Variants in IGDCC4 observed in about 807,000 individuals in gnomAD.
IGDCC4 encodes likely ortholog of mouse neighbor of Punc E11.
Under a neutral mutation model 116.6 loss-of-function variants are expected in IGDCC4, and 72 were observed. The ratio of observed to expected loss-of-function variants is 0.62; its 90% confidence interval spans 0.51 to 0.75. IGDCC4 has a LOEUF of 0.75. IGDCC4 is among the 30% of genes least tolerant of loss of function. The pLI, the probability that IGDCC4 is intolerant of heterozygous loss-of-function variation, is 0.00. For synonymous variants in IGDCC4, 709 were observed against 719.9 expected, an observed-to-expected ratio of 0.98 and a Z score of 0.24; for missense variants, 1,501 against 1,662.4, an observed-to-expected ratio of 0.90 and a Z score of 1.69.
chr15:65,394,587 G>A (rs567456257), intron 8 of IGDCC4, 39 bp from the exon 9 acceptor site: 6 of 1,543,878 alleles, frequency 3.9e-6, no homozygotes, highest in South Asian at 3.8e-5. Flanking sequence ...CTGCTCCACC[G>A]ACGTGGAAGG....
chr15:65,385,637 C>T (rs918203997), intron 18 of IGDCC4, 194 bp downstream of exon 18: 10 of 664,682 alleles, frequency 1.5e-5, no homozygotes, highest in South Asian at 1.4e-4. Flanking sequence ...CCAAGCTGAC[C>T]TATTCCGCCG....
At position 65,411,130 on chromosome 15, in the gene IGDCC4, C is replaced by A. The variant is rs761717353; in HGVS notation, c.311G>T (p.Ser104Ile). 6.2e-7 allele frequency: 1 copy of A among 1,614,236 alleles called. No individual in the cohort carries two copies. Among genetic ancestry groups the A allele is most frequent in the Admixed American group, 1.7e-5 (1 of 60,030 alleles). The stretch of plus-strand genomic sequence containing the variant: ...CACAGCCTCAGGGACTGACTCGTCA[C>A]TGCCATTGGGTGCTAGTGGCTGGGA... ...WLSQPLAPNGSDESVPEAVGV... is the reference protein window; with the variant it reads ...WLSQPLAPNGIDESVPEAVGV... The change falls in exon 2 of 20, where the codon AGT (serine) becomes ATT (isoleucine). Residue 104 changes from serine to isoleucine, a missense_variant. Physicochemically the swap from Ser to Ile is moderately radical, Grantham distance 142 (BLOSUM62 -2). This residue lies in a region of IGDCC4 where 898 missense variants were observed against 978.9 expected (regional missense o/e 0.92). Transcript: ENST00000352385.
intron 16 of IGDCC4, among the ~76,000 whole-genome samples, chr15:65,387,290 G>A (rs922035433): frequency 3.3e-5 from 5 of 151,988 alleles, no homozygotes; most frequent in African/African-American, 1.2e-4. Flanking sequence ...GCCTTCCAAA[G>A]TGCATAAGCA....
rs1347546909 is a variant in IGDCC4, at chr15:65,383,437, A to G, written c.*572T>C. 1 of 152,216 alleles carries G rather than the reference A, an allele frequency of 6.6e-6. No individual in the cohort carries two copies. Among genetic ancestry groups the G allele is most frequent in the East Asian group, 1.9e-4 (1 of 5,192 alleles). 9.4% of individuals were successfully genotyped at this position (152,216 alleles called of 1,614,324 possible). On this transcript the variant is annotated 3_prime_UTR_variant, in exon 20 of 20. Transcript: ENST00000352385. ...TCCCAGATTACAAAATTAAATGCAG[A>G]GTTGCTCGGAGGGGAGCCAGGGCCA... is the stretch of plus-strand genomic sequence containing the variant.
chr15:65,393,660 A>G lies in IGDCC4; in HGVS notation c.1715-129T>C. 2.2e-6 allele frequency: 2 copies of G among 911,728 alleles called. No homozygotes were observed. Among genetic ancestry groups the G allele is most frequent in the Non-Finnish European group, 1.6e-6 (1 of 619,610 alleles). 56.5% of individuals were successfully genotyped at this position (911,728 alleles called of 1,614,324 possible). On this transcript the variant is annotated intron_variant, in intron 9 of 19. Transcript: ENST00000352385. The surrounding 1 kb of genome is among the most constrained non-coding windows in gnomAD (Gnocchi z 4.6). ...CGTGGGAGCCTGAGGCGTTCTCAGCACTGACCCCTCAGTGCCTGGGCAGAT... is the reference window on the plus strand; with the variant it reads ...CGTGGGAGCCTGAGGCGTTCTCAGCGCTGACCCCTCAGTGCCTGGGCAGAT...
At chr15:65,413,609 T>C (rs914707433) in intron 1 of IGDCC4, among the ~76,000 whole-genome samples, 2 of 152,224 alleles carry the variant, frequency 1.3e-5, no homozygotes, top group African/African-American at 2.4e-5. Flanking sequence ...CTGTTGTGTC[T>C]TCCAGAAGGT....
rs374819529 is a variant in IGDCC4 at position 65,391,999 on chromosome 15, G to A, written c.2123-18C>T. On this transcript the variant is annotated intron_variant, in intron 11 of 19. Transcript: ENST00000352385. ...GCCAGGGACTGGGGAAGGTTACAGG[G>A]CTTAATGGCTAGGGGGACATCTGGG... 9 of 1,595,800 alleles carry A rather than the reference G, an allele frequency of 5.6e-6. No individual in the cohort carries two copies. Among genetic ancestry groups the A allele is most frequent in the South Asian group, 2.3e-5 (2 of 88,392 alleles).
At chr15:65,415,639 G>A (rs2063135382) in intron 1 of IGDCC4, among the ~76,000 whole-genome samples, 1 of 152,198 alleles carries the variant, frequency 6.6e-6, no homozygotes, top group African/African-American at 2.4e-5. Context: ...GGAAACTGAG[G>A]CCTGGGGAGG....
chr15:65,401,440 A>G (rs2062984885), intron 4 of IGDCC4, among the ~76,000 whole-genome samples: 1 of 152,158 alleles, frequency 6.6e-6, no homozygotes, highest in South Asian at 2.1e-4. Context: ...ATTTCCTGCC[A>G]AGTTCTTTGT....
chr15:65,396,454 A>C, intron 6 of IGDCC4: 2 of 555,956 alleles, frequency 3.6e-6, no homozygotes, highest in Non-Finnish European at 6.6e-6. Flanking sequence ...CCCCACCCCT[A>C]AATTTACCCA....
intron 3 of IGDCC4, 139 bp from the exon 4 acceptor site, chr15:65,402,626 T>C: frequency 8.5e-7 from 1 of 1,175,372 alleles, no homozygotes; most frequent in Non-Finnish European, 1.2e-6. Flanking sequence ...CCCAGCACTT[T>C]GGGAGGCGAG....
At chr15:65,398,685 A>T (rs1278372007) in intron 5 of IGDCC4, among the ~76,000 whole-genome samples, 13 of 151,730 alleles carry the variant, frequency 8.6e-5, no homozygotes, top group Admixed American at 8.5e-4. Flanking sequence ...AGGTCAGGAG[A>T]TGGAGACCAT....
In IGDCC4 at chr15:65,384,130, G is replaced by T; in HGVS notation, c.3632C>A (p.Pro1211Gln). ...TAGCACCTCGCCTGGCTGGAGGTCC[G>T]GGTAGGAGCAGGAAGCACTGGCTGC... ...PEAASASCSYPDLQPGEVLEE... is the reference protein window; with the variant it reads ...PEAASASCSYQDLQPGEVLEE... Residue 1211 changes from proline (P) to glutamine (Q), a missense_variant, in exon 20 of 20, where the codon CCG becomes CAG. By Grantham distance (76) the Pro-to-Gln change is moderately conservative. Coordinates refer to ENST00000352385, the MANE Select transcript of IGDCC4 (RefSeq NM_020962.3). This position sits in a 1 kb window ranked among gnomAD's most constrained non-coding sequence, Gnocchi z 4.9. The T allele has an allele frequency of 6.2e-7, 1 of 1,613,546 alleles. No individual in the cohort carries two copies. Among genetic ancestry groups the T allele is most frequent in the Middle Eastern group, 1.6e-4 (1 of 6,062 alleles).
intron 3 of IGDCC4, among the ~76,000 whole-genome samples, chr15:65,404,194 A>T (rs1176844604): frequency 1.3e-5 from 2 of 152,184 alleles, no homozygotes; most frequent in African/African-American, 2.4e-5. Context: ...TGTGGCCCAA[A>T]GACTTAAAGG....
At chr15:65,398,533 C>CAAAAAAAAAAAAAAAAAAA (rs3082803) in intron 5 of IGDCC4, among the ~76,000 whole-genome samples, 3 of 77,646 alleles carry the variant, frequency 3.9e-5, no homozygotes, top group African/African-American at 4.8e-5. Context: ...AACTCCATCT[C>CAAAAAAAAAAAAAAAAAAA]AAAAAAAAAA....
intron 5 of IGDCC4, among the ~76,000 whole-genome samples, chr15:65,398,072 C>T (rs1028047672): frequency 6.6e-6 from 1 of 152,204 alleles, no homozygotes; most frequent in Non-Finnish European, 1.5e-5. Context: ...AAATGCGGCA[C>T]ATGTTCTCAA....
At chr15:65,412,753 G>A (rs1405824270) in intron 1 of IGDCC4, among the ~76,000 whole-genome samples, 1 of 151,884 alleles carries the variant, frequency 6.6e-6, no homozygotes, top group Non-Finnish European at 1.5e-5. Context: ...GGTAACACAG[G>A]GAGACCTCAT....
rs748787178 is a variant in IGDCC4, at chr15:65,391,964, C to T, written c.2140G>A (p.Glu714Lys). 3.7e-6 allele frequency: 6 copies of T among 1,611,774 alleles called. No homozygotes were observed. The highest frequency in any genetic ancestry group is 4.2e-6 in the Non-Finnish European group (5 of 1,178,974). The change falls in exon 12 of 20, where the codon GAG becomes AAG. Residue 714 changes from glutamate (E) to lysine (K), a missense_variant. Transcript: ENST00000352385. ...LTQLVPGRLY[E>K]VKLVAFNKHE... is the part of the protein sequence containing the mutation. ...TTGTTGAAAGCCACGAGCTTCACCTCGTACAGCCGGCCAGGGACTGGGGAA... is the reference window on the plus strand; with the variant it reads ...TTGTTGAAAGCCACGAGCTTCACCTTGTACAGCCGGCCAGGGACTGGGGAA...
chr15:65,406,023 C>T (rs1182420968), intron 3 of IGDCC4, among the ~76,000 whole-genome samples: 2 of 152,204 alleles, frequency 1.3e-5, no homozygotes, highest in Non-Finnish European at 2.9e-5. Flanking sequence ...GGCTGGAAGT[C>T]ACATGAGATT....
Sources: allele counts gnomAD v4.1 joint callset (sites outside exome capture counted in the v4.1 genomes callset), GRCh38; gene constraint gnomAD v4.1.1; regional missense constraint gnomAD v4.1.1; non-coding constraint Gnocchi (gnomAD v3.1); transcripts MANE v1.5; gene names NCBI Gene and HGNC (gene_info 2026-07-23, HGNC 2026-07-21).